NGEF: variants seen among roughly 807,000 people sequenced by gnomAD.
NGEF encodes the protein ephexin-1.
A neutral mutation model predicts 80.9 loss-of-function variants in NGEF; 31 were observed. The observed-to-expected ratio is 0.38, with a 90% CI of 0.29 to 0.52. The LOEUF is 0.52. Among genes scored for constraint, NGEF ranks in the 20% least tolerant of loss-of-function variants. NGEF has a pLI of 0.84. For synonymous variants in NGEF, 371 were observed against 370.2 expected (o/e 1.00, Z -0.03); for missense variants, 709 against 926.2 (o/e 0.77, Z 3.04).
In NGEF at chr2:232,970,192, C is replaced by T. The variant is rs56988700; in HGVS notation, c.383+22G>A. The T allele has an allele frequency of 7.3e-3, 10,405 of 1,428,056 alleles. 657 individuals are homozygous for T. The African/African-American group carries it at 0.13, about 18-fold the overall frequency. 88.5% of individuals were successfully genotyped at this position (1,428,056 alleles called of 1,614,324 possible). The stretch of plus-strand genomic sequence containing the variant: ...ATGCATCTTTCCCAGACCAGCATTC[C>T]TCATGATCTGCCATCTCTTACCTCA... On this transcript the variant is annotated intron_variant, in intron 3 of 14. Coordinates refer to ENST00000264051, the MANE Select transcript of NGEF (RefSeq NM_019850.3).
chr2:232,884,658 C>T (rs1691617936), intron 10 of NGEF, among the ~76,000 whole-genome samples: 1 of 152,180 alleles, frequency 6.6e-6, no homozygotes, highest in African/African-American at 2.4e-5. Context: ...GCTGAACGGC[C>T]GCCTGGCAGA....
intron 1 of NGEF, among the ~76,000 whole-genome samples, chr2:232,992,901 G>A (rs2106334899): frequency 6.7e-6 from 1 of 150,028 alleles, no homozygotes; most frequent in South Asian, 2.1e-4. Context: ...GTGGGAGGAT[G>A]GCTTCAACCC....
intron 3 of NGEF, among the ~76,000 whole-genome samples, chr2:232,951,795 A>G (rs1353307943): frequency 6.6e-6 from 1 of 152,158 alleles, no homozygotes; most frequent in Admixed American, 6.5e-5. Flanking sequence ...AATTTCTCCC[A>G]TGGGTTCTTG....
chr2:232,879,429 C>CCT lies in NGEF; in HGVS notation c.*59_*60insAG. 6.2e-6 allele frequency: 9 copies of CCT among 1,456,272 alleles called. No individual in the cohort carries two copies. The South Asian group carries it at 8.0e-5, about 13-fold the overall frequency. The allele number at this position is 1,456,272 out of a possible 1,614,324, so 90.2% of individuals were successfully genotyped here. ...GCCTGTGCTTCCCAGAGCCCCCCCC[C>CCT]CCCCACCTTCTGTCGGGGTCTCATG... On this transcript the variant is annotated 3_prime_UTR_variant, in exon 15 of 15. Transcript: ENST00000264051.
At chr2:232,933,327 C>A (rs559381977) in intron 3 of NGEF, among the ~76,000 whole-genome samples, 1 of 152,086 alleles carries the variant, frequency 6.6e-6, no homozygotes, top group African/African-American at 2.4e-5. Context: ...CCGTCTCCCC[C>A]AGCTCCCCTC....
chr2:232,884,251 C>T (rs923002893), intron 10 of NGEF, 107 bp from the exon 11 acceptor site: 12 of 1,287,196 alleles, frequency 9.3e-6, no homozygotes, highest in Admixed American at 2.9e-5. Context: ...CCCAGGGCCC[C>T]GACACATGAG....
At chr2:232,927,778 C>G in intron 3 of NGEF, 1 of 558,842 alleles carries the variant, frequency 1.8e-6, no homozygotes, top group Non-Finnish European at 2.6e-6. Flanking sequence ...GGCGGGGGCC[C>G]GCGGAGGAGG....
intron 1 of NGEF, among the ~76,000 whole-genome samples, chr2:232,978,484 C>T (rs1197190751): frequency 6.6e-6 from 1 of 152,172 alleles, no homozygotes; most frequent in Admixed American, 6.5e-5. Context: ...CACTGCATTC[C>T]AGCCTGGGCG....
intron 3 of NGEF, among the ~76,000 whole-genome samples, chr2:232,955,010 C>G (rs72978124): frequency 0.18 from 27,214 of 151,862 alleles, 6,878 homozygotes; most frequent in African/African-American, 0.56. Context: ...CTTCGTAATA[C>G]GCCTATTCAT....
intron 2 of NGEF, 124 bp from the exon 3 acceptor site, chr2:232,970,452 G>A: frequency 1.6e-6 from 1 of 620,592 alleles, no homozygotes; most frequent in Admixed American, 3.7e-5. Flanking sequence ...AGTGGGAAGG[G>A]GTGTCCCTCC....
intron 1 of NGEF, among the ~76,000 whole-genome samples, chr2:232,993,530 C>T (rs1031957988): frequency 2.0e-5 from 3 of 151,986 alleles, no homozygotes; most frequent in African/African-American, 7.2e-5. Context: ...AAAGATCAAA[C>T]ATAGAGTTAC....
rs1212045022 is a variant in NGEF, at chr2:232,899,670, GCT to G, written c.829-4756_829-4755del. Among the ~76,000 whole-genome samples, 16 of 88,472 alleles carry G rather than the reference GCT, an allele frequency of 1.8e-4. 1 individual carries two copies. Among genetic ancestry groups the G allele is most frequent in the Non-Finnish European group, 8.8e-5 (4 of 45,428 alleles). The allele number at this position is 88,472 out of a possible 152,430, so 58.0% of individuals were successfully genotyped here. ...CGTTCACTCACATTCACTCACACAT[GCT>G]CTCACAGTCACTCATACACACATTC... On this transcript the variant is annotated intron_variant, in intron 5 of 14. Transcript: ENST00000264051.
intron 14 of NGEF, 24 bp downstream of exon 14, chr2:232,881,122 C>T (rs780445541): frequency 3.2e-5 from 51 of 1,603,886 alleles, no homozygotes; most frequent in Admixed American, 1.3e-4. Context: ...CTGGGGGCCC[C>T]GAGGGGAGGT....
chr2:232,924,477 G>A (rs918707453), intron 4 of NGEF, among the ~76,000 whole-genome samples: 8 of 152,032 alleles, frequency 5.3e-5, no homozygotes, highest in Non-Finnish European at 1.0e-4. Flanking sequence ...TACAGCAACT[G>A]GAACAGATTA....
intron 3 of NGEF, among the ~76,000 whole-genome samples, chr2:232,961,258 C>T (rs1370476386): frequency 6.6e-6 from 1 of 152,166 alleles, no homozygotes; most frequent in Non-Finnish European, 1.5e-5. Flanking sequence ...CCATTCTCTG[C>T]TCTTACCTCA....
At chr2:232,894,023 C>T (rs1233676208) in intron 6 of NGEF, among the ~76,000 whole-genome samples, 1 of 152,182 alleles carries the variant, frequency 6.6e-6, no homozygotes. Context: ...GGGGCTGCGC[C>T]GGGCCCCACC....
At chr2:232,894,243 C>A (rs1030638978) in intron 6 of NGEF, among the ~76,000 whole-genome samples, 6 of 152,256 alleles carry the variant, frequency 3.9e-5, no homozygotes, top group Admixed American at 2.0e-4. Context: ...ACAGTCCCTG[C>A]TGGAAGCACA....
chr2:232,994,907 A>G (rs1008698137), intron 1 of NGEF, among the ~76,000 whole-genome samples: 8 of 146,004 alleles, frequency 5.5e-5, no homozygotes, highest in African/African-American at 1.8e-4. Flanking sequence ...ATACATACAT[A>G]CACATGTATT....
At chr2:232,886,218 GTGA>G (rs1691685075) in intron 9 of NGEF, among the ~76,000 whole-genome samples, 1 of 151,500 alleles carries the variant, frequency 6.6e-6, no homozygotes. Context: ...CATACTGTGT[GTGA>G]TAAGTATGTG....
Sources: allele counts gnomAD v4.1 joint callset (sites outside exome capture counted in the v4.1 genomes callset), GRCh38; gene constraint gnomAD v4.1.1; transcripts MANE v1.5; gene names NCBI Gene and HGNC (gene_info 2026-07-23, HGNC 2026-07-21).